The following USP16 variants were observed in gnomAD, a reference collection of about 807,000 sequenced individuals.
The protein encoded by USP16 is ubiquitin specific peptidase 16.
USP16 carries 77 observed loss-of-function variants against 95.9 expected under a neutral mutation model. That is an observed-to-expected ratio of 0.80 (90% CI 0.67 to 0.97). The LOEUF is 0.97. Ranked by LOEUF, USP16 falls within the 50% of genes least tolerant of loss-of-function variation. The pLI, the probability that USP16 is intolerant of heterozygous loss-of-function variation, is 0.00. For synonymous variants in USP16, 303 were observed against 318.2 expected, an observed-to-expected ratio of 0.95 and a Z score of 0.51; for missense variants, 943 against 959.9, an observed-to-expected ratio of 0.98 and a Z score of 0.23.
intron 1 of USP16, chr21:29,026,505 G>A (rs2084990610): frequency 6.8e-6 from 1 of 147,418 alleles, no homozygotes; most frequent in Non-Finnish European, 1.5e-5. Context: ...GTAAAAAGTG[G>A]TGGTCTTGAA....
chr21:29,047,097 A>G lies in USP16; in HGVS notation c.1787A>G (p.Asn596Ser). ...GATGAAATAAATATAGAGATTCTGA[A>G]TGATAGTCATACTCCTGGAACAAAG... ...HPDEINIEIL[N>S]DSHTPGTKVY... Residue 596 changes from asparagine to serine, a missense_variant, in exon 14 of 18, where the codon AAT (asparagine) becomes AGT (serine). By Grantham distance (46) the Asn-to-Ser change is conservative (BLOSUM62 1). Transcript: ENST00000399976. The G allele has an allele frequency of 6.2e-7, 1 of 1,614,094 alleles. No individual in the cohort carries two copies. The highest frequency in any genetic ancestry group is 8.5e-7 in the Non-Finnish European group (1 of 1,180,008).
intron 16 of USP16, chr21:29,053,220 T>C (rs1601079549): frequency 6.5e-6 from 1 of 152,718 alleles, no homozygotes; most frequent in East Asian, 1.9e-4. Context: ...AGAACATAAA[T>C]AGTTGTCTGA....
In USP16 at chr21:29,036,267, AC is replaced by A; in HGVS notation, c.345-3del. On this transcript the variant is annotated splice_region_variant and splice_polypyrimidine_tract_variant and intron_variant, in intron 4 of 17. Transcript: ENST00000399976. ...ATTTTTCATCTCTGATTTTTGGGTCACAGGTGTTACGTATGTGATAATGAGG... is the reference window on the plus strand; with the variant it reads ...ATTTTTCATCTCTGATTTTTGGGTCAAGGTGTTACGTATGTGATAATGAGG... 1 of 1,596,640 alleles carries A rather than the reference AC, an allele frequency of 6.3e-7. No homozygotes were observed. Among genetic ancestry groups the A allele is most frequent in the Non-Finnish European group, 8.5e-7 (1 of 1,169,908 alleles).
intron 10 of USP16, among the ~76,000 whole-genome samples, chr21:29,041,176 A>G (rs1167532392): frequency 6.6e-6 from 1 of 152,110 alleles, no homozygotes; most frequent in African/African-American, 2.4e-5. Flanking sequence ...TTTTATTTTT[A>G]TTTAATTGTA....
rs2085461436 is a variant in USP16 at position 29,054,225 on chromosome 21, G to A, written c.*38G>A. Reference sequence around the variant, plus strand: ...CACTTTTTCTGGAAACACATTTATGGCTTTTATAATGGCTGAAATAACGAT... The same window carrying A: ...CACTTTTTCTGGAAACACATTTATGACTTTTATAATGGCTGAAATAACGAT... On this transcript the variant is annotated 3_prime_UTR_variant, in exon 18 of 18. Coordinates refer to ENST00000399976, the MANE Select transcript of USP16 (RefSeq NM_006447.3). 6.3e-7 allele frequency: 1 copy of A among 1,584,434 alleles called. No homozygotes were observed. Among genetic ancestry groups the A allele is most frequent in the African/African-American group, 1.4e-5 (1 of 74,062 alleles).
chr21:29,054,026 T>C, intron 17 of USP16, 40 bp from the exon 18 acceptor site: 1 of 1,613,734 alleles, frequency 6.2e-7, no homozygotes, highest in Non-Finnish European at 8.5e-7. Context: ...TCAACTTGAA[T>C]CTTTCCATTT....
chr21:29,038,368 C>CT lies in USP16; in HGVS notation c.671dup (p.Glu226ArgfsTer12), dbSNP rs751874135. The CT allele has an allele frequency of 8.7e-6, 14 of 1,612,426 alleles. No homozygotes were observed. Among genetic ancestry groups the CT allele is most frequent in the Non-Finnish European group, 1.2e-5 (14 of 1,179,070 alleles). ...ACAAACACCAGTGCTTAGAGAACTA[C>CT]TAAAAGAAGTGAAAATGTCTGGAAC... is the stretch of plus-strand genomic sequence containing the variant. On this transcript the variant is annotated frameshift_variant, in exon 7 of 18. Coordinates refer to ENST00000399976, the MANE Select transcript of USP16 (RefSeq NM_006447.3). LOFTEE classifies it high-confidence loss of function.
intron 15 of USP16, among the ~76,000 whole-genome samples, chr21:29,049,297 A>G (rs1013363336): frequency 2.0e-5 from 3 of 152,308 alleles, no homozygotes; most frequent in African/African-American, 2.4e-5. Flanking sequence ...CTATAGCTGT[A>G]TAACTTCTAA....
At position 29,046,164 on chromosome 21, in the gene USP16, C is replaced by A. The variant is rs117958954; in HGVS notation, c.1357-503C>A. ...CATAATTTATTTTTTGAGACAGAGT[C>A]TTGCTCTGCCACCCAGTTTGGAGTA... On this transcript the variant is annotated intron_variant, in intron 13 of 17. Coordinates refer to ENST00000399976, the MANE Select transcript of USP16 (RefSeq NM_006447.3). Among the ~76,000 whole-genome samples the A allele has an allele frequency of 4.1e-3, 629 of 152,204 alleles. 12 individuals carry two copies. In the East Asian group the frequency reaches 0.072, roughly 17 times the overall value.
intron 6 of USP16, 23 bp from the exon 7 acceptor site, chr21:29,038,310 CTT>C: frequency 1.3e-6 from 2 of 1,493,440 alleles, no homozygotes. Context: ...TAATTTTTCT[CTT>C]TTTTTTTCAC....
chr21:29,038,732 T>C (rs538530681), intron 7 of USP16, among the ~76,000 whole-genome samples: 1 of 152,362 alleles, frequency 6.6e-6, no homozygotes, highest in East Asian at 1.9e-4. Context: ...TTAAGAGCTG[T>C]GTAACCAAAT....
chr21:29,043,676 G>A, intron 13 of USP16, 77 bp downstream of exon 13: 1 of 1,283,758 alleles, frequency 7.8e-7, no homozygotes, highest in Non-Finnish European at 1.0e-6. Flanking sequence ...GAATGACATT[G>A]GTTAGACATG....
At position 29,054,069 on chromosome 21, in the gene USP16, T is replaced by C. The variant is rs774571624; in HGVS notation, c.2354T>C (p.Phe785Ser). Residue 785 changes from phenylalanine (F) to serine (S), a missense_variant, in exon 18 of 18, where the codon TTT becomes TCT. Coordinates refer to ENST00000399976, the MANE Select transcript of USP16 (RefSeq NM_006447.3). Reference protein sequence around the residue: ...LVLHGDIPQDFEMESKGQWFH... With the variant: ...LVLHGDIPQDSEMESKGQWFH... ...ATTTTTCATTTTCTCATGACAGATT[T>C]TGAAATGGAATCAAAAGGGCAGTGG... 3.1e-6 allele frequency: 5 copies of C among 1,614,184 alleles called. No individual in the cohort carries two copies. The highest frequency in any genetic ancestry group is 2.2e-5 in the East Asian group (1 of 44,888).
intron 3 of USP16, among the ~76,000 whole-genome samples, chr21:29,032,183 A>G (rs1470327505): frequency 6.6e-6 from 1 of 152,170 alleles, no homozygotes; most frequent in African/African-American, 2.4e-5. Context: ...TTCATCAAAA[A>G]TGTTATGTAA....
Position 29,047,117 on chromosome 21 carries a change from A to G in USP16, c.1807A>G (p.Thr603Ala). The change falls in exon 14 of 18, where the codon ACA (threonine) becomes GCA (alanine). Residue 603 changes from threonine (T) to alanine (A), a missense_variant. By Grantham distance (58) the Thr-to-Ala change is moderately conservative (BLOSUM62 0). Coordinates refer to ENST00000399976, the MANE Select transcript of USP16 (RefSeq NM_006447.3). ...TCTGAATGATAGTCATACTCCTGGA[A>G]CAAAGGTGTATGAGGTTGTAAATGA... ...EILNDSHTPG[T>A]KVYEVVNEDP... 1 of 1,614,116 alleles carries G rather than the reference A, an allele frequency of 6.2e-7. No homozygotes were observed. Among genetic ancestry groups the G allele is most frequent in the Non-Finnish European group, 8.5e-7 (1 of 1,180,022 alleles).
chr21:29,027,868 T>C lies in USP16; in HGVS notation c.-41-5T>C, dbSNP rs758482271. The C allele has an allele frequency of 9.9e-6, 16 of 1,610,132 alleles. No homozygotes were observed. In the Admixed American group the frequency reaches 2.5e-4, roughly 25 times the overall value. ...TGGTCAAGCTAACTTTATCTTGTTT[T>C]CTAGATTGTTATTTTGTGTCAGTAA... On this transcript the variant is annotated splice_polypyrimidine_tract_variant and splice_region_variant and intron_variant, in intron 1 of 17. Transcript: ENST00000399976.
chr21:29,037,349 A>C lies in USP16; in HGVS notation c.522A>C (p.Arg174Ser). The change falls in exon 6 of 18, where the codon AGA becomes AGC. Residue 174 changes from arginine (R) to serine (S), a missense_variant. Arg to Ser is a moderately radical substitution (Grantham distance 110). Transcript: ENST00000399976. ...LEKESKNEQE[R>S]EKKENMAKEN... ...AAGAGAGTAAGAATGAACAAGAGAG[A>C]GAAAAGAAGGAAAACATGGCTAAAG... The C allele has an allele frequency of 1.9e-6, 3 of 1,603,672 alleles. No homozygotes were observed. The highest frequency in any genetic ancestry group is 1.3e-5 in the African/African-American group (1 of 74,678).
chr21:29,039,288 G>A, intron 8 of USP16, 132 bp downstream of exon 8: 1 of 1,136,888 alleles, frequency 8.8e-7, no homozygotes, highest in Non-Finnish European at 1.1e-6. Flanking sequence ...AAAAGGCATA[G>A]TTTTTTTTCA....
At chr21:29,037,622 T>C (rs2085180828) in intron 6 of USP16, among the ~76,000 whole-genome samples, 159 bp downstream of exon 6, 1 of 147,318 alleles carries the variant, frequency 6.8e-6, no homozygotes, top group African/African-American at 2.6e-5. Flanking sequence ...GGTCTCACTC[T>C]GTCACTCGGC....
Sources: allele counts gnomAD v4.1 joint callset (sites outside exome capture counted in the v4.1 genomes callset), GRCh38; gene constraint gnomAD v4.1.1; transcripts MANE v1.5; gene names NCBI Gene and HGNC (gene_info 2026-07-23, HGNC 2026-07-21).